CDH12: variants seen among roughly 807,000 people sequenced by gnomAD.
CDH12 encodes cadherin-12.
A neutral mutation model predicts 74.1 loss-of-function variants in CDH12; 41 were observed. The ratio of observed to expected loss-of-function variants is 0.55; its 90% CI spans 0.43 to 0.72. The LOEUF is 0.72. CDH12 is among the 30% of genes least tolerant of loss of function. The pLI, the probability that CDH12 is intolerant of heterozygous loss-of-function variation, is 0.00. For missense variants in CDH12, 945 were observed against 977.2 expected, an observed-to-expected ratio of 0.97 and a Z score of 0.44; for synonymous variants, 399 against 355.0, an observed-to-expected ratio of 1.12 and a Z score of -1.39.
chr5:22,398,656 T>C (rs576618992), intron 3 of CDH12, among the ~76,000 whole-genome samples: 2 of 152,296 alleles, frequency 1.3e-5, no homozygotes, highest in South Asian at 2.1e-4. Context: ...GTGGTAGATA[T>C]GAAGTCTTTT....
intron 5 of CDH12, among the ~76,000 whole-genome samples, chr5:22,002,268 A>G (rs1045807001): frequency 1.2e-4 from 19 of 152,290 alleles, no homozygotes; most frequent in Middle Eastern, 3.4e-3. Context: ...TCTCTAATAA[A>G]TAATGAAACA....
At chr5:22,690,051 G>T (rs1742002820) in intron 1 of CDH12, among the ~76,000 whole-genome samples, 1 of 152,078 alleles carries the variant, frequency 6.6e-6, no homozygotes, top group Admixed American at 6.6e-5. Flanking sequence ...TTACTTTTCT[G>T]AAAGTGGATT....
chr5:22,034,813 G>A (rs915773281), intron 5 of CDH12, among the ~76,000 whole-genome samples: 3 of 152,212 alleles, frequency 2.0e-5, no homozygotes, highest in African/African-American at 7.2e-5. Context: ...AAAACTATAT[G>A]GGAGTCTAGA....
At chr5:21,980,182 C>CATATAT (rs370738806) in intron 5 of CDH12, among the ~76,000 whole-genome samples, 2,833 of 145,862 alleles carry the variant, frequency 0.019, 97 homozygotes, top group African/African-American at 0.068. Flanking sequence ...ATATGTATGG[C>CATATAT]ATATATATAT....
chr5:21,878,078 G>A (rs553561314), intron 6 of CDH12, among the ~76,000 whole-genome samples: 1 of 152,336 alleles, frequency 6.6e-6, no homozygotes, highest in African/African-American at 2.4e-5. Context: ...AATAGTGTCT[G>A]TCTACAAAGT....
At chr5:22,791,841 C>T (rs1002959990) in intron 1 of CDH12, among the ~76,000 whole-genome samples, 5 of 152,048 alleles carry the variant, frequency 3.3e-5, no homozygotes, top group African/African-American at 7.2e-5. Flanking sequence ...GGGGGAAATC[C>T]GCCTCTGTGA....
At chr5:22,405,047 T>C (rs1230152690) in intron 3 of CDH12, among the ~76,000 whole-genome samples, 3 of 151,968 alleles carry the variant, frequency 2.0e-5, no homozygotes, top group African/African-American at 7.2e-5. Context: ...CCATTTCTAC[T>C]ATAAATACAA....
At chr5:22,232,928 T>C (rs1351564317) in intron 3 of CDH12, among the ~76,000 whole-genome samples, 2 of 149,672 alleles carry the variant, frequency 1.3e-5, no homozygotes, top group Admixed American at 6.7e-5. Context: ...ATTGGATTGC[T>C]TTTGTGCCTT....
intron 2 of CDH12, among the ~76,000 whole-genome samples, chr5:22,457,424 C>CA (rs531588198): frequency 2.2e-3 from 260 of 119,710 alleles, no homozygotes; most frequent in African/African-American, 8.0e-3. Flanking sequence ...TCTTCTTCTT[C>CA]ATTTTTTTTT....
chr5:22,453,845 T>C (rs1383660087), intron 2 of CDH12, among the ~76,000 whole-genome samples: 2 of 152,136 alleles, frequency 1.3e-5, no homozygotes, highest in Admixed American at 1.3e-4. Flanking sequence ...CTTTGTAATT[T>C]TGTACCAAAA....
chr5:21,810,981 A>G, intron 9 of CDH12, among the ~76,000 whole-genome samples: 1 of 152,154 alleles, frequency 6.6e-6, no homozygotes, highest in East Asian at 1.9e-4. Context: ...ACGGGTAAGT[A>G]TAAAATATAT....
chr5:22,580,388 A>T, intron 1 of CDH12: 1 of 485,734 alleles, frequency 2.1e-6, no homozygotes, highest in Non-Finnish European at 4.2e-6. Context: ...CGTGGTCCCC[A>T]TCGTAGGGTG....
chr5:22,783,627 G>A lies in CDH12; in HGVS notation c.-523+69431C>T, dbSNP rs191577886. On this transcript the variant is annotated intron_variant, in intron 1 of 14. Coordinates refer to ENST00000382254, the MANE Select transcript of CDH12 (RefSeq NM_004061.5). ...TAAGCTCAAAATGATTGTAACATAT[G>A]ATGCTGTTGGACTTGTGATTAGTTT... Among the ~76,000 whole-genome samples the A allele has an allele frequency of 1.6e-3, 246 of 152,240 alleles. 2 individuals are homozygous for A. The highest frequency in any genetic ancestry group is 0.014 in the Admixed American group (221 of 15,262).
At chr5:21,907,024 A>T (rs913131310) in intron 6 of CDH12, among the ~76,000 whole-genome samples, 2 of 152,134 alleles carry the variant, frequency 1.3e-5, no homozygotes, top group Non-Finnish European at 2.9e-5. Flanking sequence ...AGCAGCAGCG[A>T]CTGCGCTAAA....
intron 4 of CDH12, among the ~76,000 whole-genome samples, chr5:22,089,085 ACAT>A (rs1743245835): frequency 2.0e-5 from 3 of 152,212 alleles, no homozygotes; most frequent in African/African-American, 7.2e-5. Flanking sequence ...GTTTACACTG[ACAT>A]TAGACAATGT....
intron 6 of CDH12, among the ~76,000 whole-genome samples, chr5:21,857,106 T>C (rs961100982): frequency 6.6e-6 from 1 of 151,812 alleles, no homozygotes; most frequent in Non-Finnish European, 1.5e-5. Context: ...GCCTGGAGCA[T>C]GCAAATCTCC....
intron 3 of CDH12, among the ~76,000 whole-genome samples, chr5:22,335,531 G>A (rs1379593036): frequency 1.3e-5 from 2 of 151,998 alleles, no homozygotes; most frequent in African/African-American, 4.8e-5. Context: ...CTTGCAGTGA[G>A]CTGAGGTGGC....
chr5:22,551,099 AG>A (rs1738545926), intron 1 of CDH12, among the ~76,000 whole-genome samples: 1 of 152,192 alleles, frequency 6.6e-6, no homozygotes, highest in African/African-American at 2.4e-5. Context: ...GCCTTTAAAA[AG>A]GTAATTAGAA....
At chr5:22,747,242 T>G (rs755623922) in intron 1 of CDH12, among the ~76,000 whole-genome samples, 78 of 152,064 alleles carry the variant, frequency 5.1e-4, no homozygotes, top group East Asian at 3.9e-4. Flanking sequence ...ATCAATAACA[T>G]GTGATTTTTA....
Sources: allele counts gnomAD v4.1 joint callset (sites outside exome capture counted in the v4.1 genomes callset), GRCh38; gene constraint gnomAD v4.1.1; transcripts MANE v1.5; gene names NCBI Gene and HGNC (gene_info 2026-07-23, HGNC 2026-07-21).